Variants in UNC79 observed in about 807,000 individuals in gnomAD.
UNC79 encodes the protein unc-79 subunit of NALCN channel complex, also known as protein unc-79 homolog.
In UNC79, 37 loss-of-function variants were observed where a neutral mutation model predicts 283.1. The ratio of observed to expected loss-of-function variants is 0.13; its 90% CI spans 0.10 to 0.17. The LOEUF is 0.17. UNC79 is among the 10% of genes least tolerant of loss of function. The probability of loss-of-function intolerance (pLI) is 1.00; values close to 1 mark genes in which losing one functional copy is unlikely to be tolerated. For missense variants in UNC79, 2,272 were observed against 3,211.1 expected (o/e 0.71, Z 7.07); for synonymous variants, 1,107 against 1,200.2 (o/e 0.92, Z 1.61).
Position 93,577,181 on chromosome 14 carries a change from C to T in UNC79, c.2212-661C>T, listed in dbSNP as rs144474058. 7.0e-3 allele frequency among the ~76,000 whole-genome samples: 1,063 copies of T among 152,110 alleles called. 9 individuals are homozygous for T. Among genetic ancestry groups the T allele is most frequent in the Middle Eastern group, 0.044 (13 of 294 alleles). On this transcript the variant is annotated intron_variant, in intron 17 of 48. Transcript: ENST00000555664. ...TGCCACTGCACTCCAGCTTGGGCAA[C>T]AGAGCAAGACTGTCCCAAAACAAAA...
intron 1 of UNC79, among the ~76,000 whole-genome samples, chr14:93,377,521 C>T (rs895472986): frequency 3.9e-5 from 6 of 152,174 alleles, no homozygotes; most frequent in South Asian, 2.1e-4. Flanking sequence ...TAGTGATTAC[C>T]GGGATACAAT....
At position 93,388,961 on chromosome 14, in the gene UNC79, G is replaced by A. The variant is rs568605135; in HGVS notation, c.-351+55438G>A. ...CCAGCTAATAGTCATGTTGTGTAAG[G>A]ATTAATGGCTAATCTCTTTAGGAAT... On this transcript the variant is annotated intron_variant, in intron 1 of 49. Coordinates refer to the UNC79 transcript ENST00000256339. 5.9e-5 allele frequency among the ~76,000 whole-genome samples: 9 copies of A among 152,274 alleles called. No homozygotes were observed. The South Asian group carries it at 1.9e-3, about 32-fold the overall frequency.
intron 1 of UNC79, among the ~76,000 whole-genome samples, chr14:93,425,039 G>A (rs980336863): frequency 6.6e-6 from 1 of 152,084 alleles, no homozygotes; most frequent in Non-Finnish European, 1.5e-5. Context: ...CACATGGCAG[G>A]TGTATTAGTC....
At chr14:93,387,573 G>A (rs924799198) in intron 1 of UNC79, among the ~76,000 whole-genome samples, 3 of 152,102 alleles carry the variant, frequency 2.0e-5, no homozygotes, top group Admixed American at 1.3e-4. Flanking sequence ...TTATTCATTT[G>A]TAGTTTTATT....
rs1382784245 is a variant in UNC79 at position 93,551,659 on chromosome 14, GA to G, written c.1755+8965del. Among the ~76,000 whole-genome samples, 9 of 152,326 alleles carry G rather than the reference GA, an allele frequency of 5.9e-5. No individual in the cohort carries two copies. The East Asian group carries it at 1.7e-3, about 29-fold the overall frequency. On this transcript the variant is annotated intron_variant, in intron 14 of 48. Coordinates refer to ENST00000555664, the Ensembl canonical transcript of UNC79. ...TATAAAAGCACAGAAGAACAATACA[GA>G]ATGGCTGTTTTCTTTGTATGACTAT...
chr14:93,518,616 A>C lies in UNC79; in HGVS notation c.899-5362A>C, dbSNP rs932955696. Among the ~76,000 whole-genome samples, 9 of 151,774 alleles carry C rather than the reference A, an allele frequency of 5.9e-5. No homozygotes were observed. In the South Asian group the frequency reaches 8.3e-4, roughly 14 times the overall value. On this transcript the variant is annotated intron_variant, in intron 7 of 48. Transcript: ENST00000555664. The stretch of plus-strand genomic sequence containing the variant: ...AGTTCTGTTCTTTTTCTGTCTTCTT[A>C]AGGGAGATGCATAAACTTTTTATTT...
chr14:93,487,265 TA>T (rs1566987554), intron 4 of UNC79, among the ~76,000 whole-genome samples: 1 of 152,230 alleles, frequency 6.6e-6, no homozygotes, highest in Non-Finnish European at 1.5e-5. Flanking sequence ...AATTTGAGTT[TA>T]AAAACCTTTC....
intron 7 of UNC79, among the ~76,000 whole-genome samples, chr14:93,498,998 T>C (rs914701294): frequency 1.3e-5 from 2 of 152,198 alleles, no homozygotes; most frequent in South Asian, 2.1e-4. Context: ...AAAGGTGATT[T>C]GAGGTGGTTT....
chr14:93,347,057 G>C (rs1324041700), intron 1 of UNC79: 1 of 525,380 alleles, frequency 1.9e-6, no homozygotes, highest in Non-Finnish European at 3.3e-6. Context: ...TGAGTGGAAA[G>C]GGCAGTACAG....
intron 7 of UNC79, among the ~76,000 whole-genome samples, chr14:93,509,836 A>C (rs10146903): frequency 0.86 from 130,413 of 152,164 alleles, 56,031 homozygotes; most frequent in East Asian, 0.93. Flanking sequence ...GGGACAGTGG[A>C]CCTCTTCTCA....
intron 1 of UNC79, among the ~76,000 whole-genome samples, chr14:93,380,575 T>A (rs758005028): frequency 6.6e-6 from 1 of 152,234 alleles, no homozygotes; most frequent in Non-Finnish European, 1.5e-5. Flanking sequence ...CATATTTATG[T>A]GAAATTGAAC....
At chr14:93,699,246 C>A (rs181519656) in intron 47 of UNC79, among the ~76,000 whole-genome samples, 15 of 152,256 alleles carry the variant, frequency 9.9e-5, no homozygotes, top group Non-Finnish European at 2.2e-4. Context: ...TATTTCACAT[C>A]TGTTCTTTGT....
At position 93,430,536 on chromosome 14, in the gene UNC79, G is replaced by C. The variant is rs932833582; in HGVS notation, c.-494G>C. 1 of 153,280 alleles carries C rather than the reference G, an allele frequency of 6.5e-6. No individual in the cohort carries two copies. Among genetic ancestry groups the C allele is most frequent in the African/African-American group, 2.4e-5 (1 of 41,466 alleles). 9.5% of individuals were successfully genotyped at this position (153,280 alleles called of 1,614,324 possible). ...TCTGGTCACCCTGCTGAGGCTCCGG[G>C]GGCTGCTCCGGGAGCAGGATTTACA... is the stretch of plus-strand genomic sequence containing the variant. On this transcript the variant is annotated 5_prime_UTR_variant, in exon 1 of 49. Coordinates refer to ENST00000555664, the Ensembl canonical transcript of UNC79. The surrounding 1 kb of genome is among the most constrained non-coding windows in gnomAD (Gnocchi z 4.6).
intron 1 of UNC79, among the ~76,000 whole-genome samples, chr14:93,447,553 G>C (rs1290635648): frequency 6.6e-6 from 1 of 151,632 alleles, no homozygotes; most frequent in Non-Finnish European, 1.5e-5. Context: ...CATTTACCAA[G>C]ATATTTACCA....
At chr14:93,498,402 C>A (rs1444172564) in intron 7 of UNC79, among the ~76,000 whole-genome samples, 1 of 152,088 alleles carries the variant, frequency 6.6e-6, no homozygotes, top group Non-Finnish European at 1.5e-5. Flanking sequence ...TCCTGGCCAA[C>A]ATGGTGAAAC....
At chr14:93,671,343 G>A (rs540933429) in intron 40 of UNC79, among the ~76,000 whole-genome samples, 1 of 151,916 alleles carries the variant, frequency 6.6e-6, no homozygotes, top group East Asian at 1.9e-4. Flanking sequence ...AAGAGAGAAA[G>A]GAAGAAAGAA....
At chr14:93,672,361 G>C (rs988575076) in intron 40 of UNC79, among the ~76,000 whole-genome samples, 5 of 152,142 alleles carry the variant, frequency 3.3e-5, no homozygotes, top group Non-Finnish European at 1.5e-5. Flanking sequence ...ATAAAAAATA[G>C]CAACAGGGAT....
intron 1 of UNC79, among the ~76,000 whole-genome samples, chr14:93,333,795 T>C (rs1312001702): frequency 1.3e-5 from 2 of 152,154 alleles, no homozygotes; most frequent in African/African-American, 4.8e-5. Context: ...GAGAGATCCA[T>C]GGTTTCATTT....
chr14:93,654,090 C>G, intron 37 of UNC79, 65 bp downstream of exon 40: 1 of 1,446,698 alleles, frequency 6.9e-7, no homozygotes, highest in South Asian at 1.2e-5. Flanking sequence ...CAACTGTGGG[C>G]TGTGTTTCTT....
Sources: gnomAD v4.1 joint callset for allele counts (sites outside exome capture counted in the v4.1 genomes callset) on GRCh38, gnomAD v4.1.1 for gene constraint, Gnocchi (gnomAD v3.1) non-coding constraint, MANE v1.5 for transcripts, NCBI Gene and HGNC (gene_info 2026-07-23, HGNC 2026-07-21) for gene names.